The following PIK3R3 variants were observed in gnomAD, a reference collection of about 807,000 sequenced individuals.
PIK3R3 encodes the protein phosphatidylinositol 3-kinase regulatory subunit gamma.
In PIK3R3, 64 loss-of-function variants were observed where a neutral mutation model predicts 62.9. The observed-to-expected ratio is 1.02, with a 90% CI of 0.83 to 1.25. The LOEUF is 1.25. PIK3R3 is among the 50% of genes most tolerant of loss of function. The pLI is 0.00. For synonymous variants in PIK3R3, 165 were observed against 189.0 expected, an observed-to-expected ratio of 0.87 and a Z score of 1.04; for missense variants, 614 against 561.6, an observed-to-expected ratio of 1.09 and a Z score of -0.94.
intron 1 of PIK3R3, among the ~76,000 whole-genome samples, chr1:46,112,532 T>C (rs531825075): frequency 1.5e-4 from 23 of 152,314 alleles, no homozygotes; most frequent in Admixed American, 2.6e-4. Context: ...TCTCCACCAA[T>C]AGTGAAGCTA....
intron 1 of PIK3R3, among the ~76,000 whole-genome samples, chr1:46,109,009 A>C (rs1194095554): frequency 6.6e-6 from 1 of 152,178 alleles, no homozygotes; most frequent in Non-Finnish European, 1.5e-5. Context: ...AATACAAAAA[A>C]TTAGCCGGGC....
chr1:46,086,434 T>TC (rs1651061626), intron 1 of PIK3R3, among the ~76,000 whole-genome samples: 1 of 152,074 alleles, frequency 6.6e-6, no homozygotes, highest in East Asian at 1.9e-4. Context: ...GCCACTGCAC[T>TC]CCAACTTGTA....
intron 1 of PIK3R3, among the ~76,000 whole-genome samples, chr1:46,119,773 ATTTTTTT>A (rs749113212): frequency 8.0e-6 from 1 of 124,334 alleles, no homozygotes; most frequent in Non-Finnish European, 1.7e-5. Context: ...CCAACTCCTA[ATTTTTTT>A]TTTTTTTTTT....
the PIK3R3 span, among the ~76,000 whole-genome samples, chr1:46,160,991 G>C: frequency 6.6e-6 from 1 of 152,184 alleles, no homozygotes; most frequent in Non-Finnish European, 1.5e-5. Flanking sequence ...CTGATCAGTA[G>C]AGGAATTCAC....
chr1:46,081,210 T>C (rs1046599377), intron 1 of PIK3R3, among the ~76,000 whole-genome samples: 5 of 152,202 alleles, frequency 3.3e-5, no homozygotes, highest in African/African-American at 9.7e-5. Context: ...TCAACTGTAA[T>C]AGAATGAACC....
intron 3 of PIK3R3, among the ~76,000 whole-genome samples, chr1:46,071,697 A>C (rs1167530450): frequency 3.2e-5 from 1 of 30,822 alleles, no homozygotes; most frequent in East Asian, 7.3e-4. Context: ...CTCTGTCTCC[A>C]AAAAAAAAAA....
At chr1:46,149,787 T>A in the PIK3R3 span, among the ~76,000 whole-genome samples, 2 of 152,108 alleles carry the variant, frequency 1.3e-5, no homozygotes, top group African/African-American at 4.8e-5. Flanking sequence ...TGCCTCAGCC[T>A]CCCAAAATGC....
the PIK3R3 span, among the ~76,000 whole-genome samples, chr1:46,140,309 T>G: frequency 6.6e-6 from 1 of 152,118 alleles, no homozygotes; most frequent in Non-Finnish European, 1.5e-5. Context: ...CTGAAATCTT[T>G]AATAGATGAC....
chr1:46,083,900 C>A (rs1334911820), intron 1 of PIK3R3, among the ~76,000 whole-genome samples: 1 of 152,040 alleles, frequency 6.6e-6, no homozygotes, highest in Admixed American at 6.6e-5. Context: ...GCAGAGTTGC[C>A]CAGCAATTTC....
intron 1 of PIK3R3, among the ~76,000 whole-genome samples, chr1:46,110,555 C>T (rs1335253225): frequency 2.0e-5 from 3 of 152,082 alleles, no homozygotes; most frequent in African/African-American, 4.8e-5. Flanking sequence ...GAGCTCTTCT[C>T]AACCTTCTAA....
At chr1:46,062,828 G>A (rs910182198) in intron 5 of PIK3R3, among the ~76,000 whole-genome samples, 1 of 152,108 alleles carries the variant, frequency 6.6e-6, no homozygotes, top group East Asian at 1.9e-4. Context: ...TGGTGGGTGG[G>A]TGGGTGGATT....
chr1:46,067,507 T>A (rs2149397931), intron 3 of PIK3R3, among the ~76,000 whole-genome samples: 1 of 152,106 alleles, frequency 6.6e-6, no homozygotes, highest in South Asian at 2.1e-4. Flanking sequence ...AGATATGTGG[T>A]TGTATGTCTC....
chr1:46,150,057 A>G, the PIK3R3 span, among the ~76,000 whole-genome samples: 1 of 152,228 alleles, frequency 6.6e-6, no homozygotes, highest in South Asian at 2.1e-4. Context: ...ATTAATCAGT[A>G]GCTGTTTGCA....
At chr1:46,160,086 T>C in the PIK3R3 span, among the ~76,000 whole-genome samples, 1 of 152,244 alleles carries the variant, frequency 6.6e-6, no homozygotes, top group Non-Finnish European at 1.5e-5. Flanking sequence ...CCAAAATAGT[T>C]GGTTCATCAG....
At chr1:46,066,285 T>C in intron 4 of PIK3R3, 106 bp from the exon 5 acceptor site, 7 of 736,072 alleles carry the variant, frequency 9.5e-6, no homozygotes, top group Non-Finnish European at 1.3e-5. Flanking sequence ...CAACCATCTA[T>C]TAAACTATAT....
In PIK3R3 at chr1:46,071,765, C is replaced by T. The variant is rs1222641101; in HGVS notation, c.315-4674G>A. ...GAGAGAGAGAGAGAGAGAGAGCGCGCGCCTGATCACAATTTCCCTGCCGAA... is the reference window on the plus strand; with the variant it reads ...GAGAGAGAGAGAGAGAGAGAGCGCGTGCCTGATCACAATTTCCCTGCCGAA... On this transcript the variant is annotated intron_variant, in intron 3 of 9. Coordinates refer to ENST00000262741, the MANE Select transcript of PIK3R3 (RefSeq NM_003629.4). 3.9e-5 allele frequency among the ~76,000 whole-genome samples: 5 copies of T among 127,498 alleles called. 1 individual carries two copies. The highest frequency in any genetic ancestry group is 8.8e-3 in the Middle Eastern group (2 of 228). 83.6% of individuals were successfully genotyped at this position (127,498 alleles called of 152,430 possible). A position where few individuals can be genotyped will look rare whatever the true frequency, so the allele number is the denominator to read the frequency against.
Position 46,042,836 on chromosome 1 carries a change from C to CCTCAT in PIK3R3, c.*832_*836dup, listed in dbSNP as rs1376570629. 4.6e-5 allele frequency: 9 copies of CCTCAT among 196,724 alleles called. No individual in the cohort carries two copies. The highest frequency in any genetic ancestry group is 1.8e-4 in the African/African-American group (8 of 43,328). 12.2% of individuals were successfully genotyped at this position (196,724 alleles called of 1,614,324 possible). A position where few individuals can be genotyped will look rare whatever the true frequency, so the allele number is the denominator to read the frequency against. ...CCATCCCCACAAAAAGAATGCTATT[C>CCTCAT]CTCATCTCAGAGAAACAGGCAGGAA... On this transcript the variant is annotated 3_prime_UTR_variant, in exon 10 of 10. Coordinates refer to ENST00000262741, the MANE Select transcript of PIK3R3 (RefSeq NM_003629.4). This position sits in a 1 kb window ranked among gnomAD's most constrained non-coding sequence, Gnocchi z 4.3.
At chr1:46,072,596 C>G (rs1396598639) in intron 3 of PIK3R3, among the ~76,000 whole-genome samples, 2 of 152,184 alleles carry the variant, frequency 1.3e-5, no homozygotes, top group African/African-American at 4.8e-5. Context: ...TGAAATTCCA[C>G]AACTTAGTGT....
chr1:46,117,135 C>G (rs1295521746), intron 1 of PIK3R3, among the ~76,000 whole-genome samples: 1 of 152,108 alleles, frequency 6.6e-6, no homozygotes, highest in Non-Finnish European at 1.5e-5. Context: ...TCCAAAGTTA[C>G]TTCTGAAAGT....
Sources: gnomAD v4.1 joint callset for allele counts (sites outside exome capture counted in the v4.1 genomes callset) on GRCh38, gnomAD v4.1.1 for gene constraint, Gnocchi (gnomAD v3.1) non-coding constraint, MANE v1.5 for transcripts, NCBI Gene and HGNC (gene_info 2026-07-23, HGNC 2026-07-21) for gene names.